The following APBB1IP variants were observed in gnomAD, a reference collection of about 807,000 sequenced individuals.
The protein encoded by APBB1IP is amyloid beta A4 precursor protein-binding family B member 1-interacting protein.
In APBB1IP, 27 loss-of-function variants were observed where a neutral mutation model predicts 64.9. That is an observed-to-expected ratio of 0.42 (90% CI 0.31 to 0.57). APBB1IP has a LOEUF of 0.57. Ranked by LOEUF, APBB1IP falls within the 20% of genes least tolerant of loss-of-function variation. APBB1IP has a pLI of 0.20. For missense variants in APBB1IP, 812 were observed against 845.5 expected (o/e 0.96, Z 0.49); for synonymous variants, 392 against 331.0 (o/e 1.18, Z -2.00).
chr10:26,496,154 A>G, intron 3 of APBB1IP, 150 bp from the exon 4 acceptor site: 1 of 489,894 alleles, frequency 2.0e-6, no homozygotes, highest in Non-Finnish European at 3.5e-6. Context: ...AAAATTACAT[A>G]AAACATTTTC....
intron 2 of APBB1IP, among the ~76,000 whole-genome samples, chr10:26,488,964 A>T (rs1835924661): frequency 6.6e-6 from 1 of 152,184 alleles, no homozygotes; most frequent in South Asian, 2.1e-4. Flanking sequence ...TGCGTCTGCC[A>T]CTAAGAAATG....
At chr10:26,505,621 A>C (rs2132441070) in intron 6 of APBB1IP, among the ~76,000 whole-genome samples, 1 of 152,176 alleles carries the variant, frequency 6.6e-6, no homozygotes, top group East Asian at 1.9e-4. Flanking sequence ...CTGGGATTAC[A>C]AGCATGAGCC....
intron 8 of APBB1IP, among the ~76,000 whole-genome samples, chr10:26,517,700 A>T (rs1775230): frequency 6.6e-6 from 1 of 152,194 alleles, no homozygotes; most frequent in Non-Finnish European, 1.5e-5. Context: ...CATTCATGCT[A>T]TTGCCCATAG....
intron 10 of APBB1IP, among the ~76,000 whole-genome samples, chr10:26,540,334 G>C (rs1836681668): frequency 6.6e-6 from 1 of 152,114 alleles, no homozygotes; most frequent in Non-Finnish European, 1.5e-5. Context: ...CAACAGTTTG[G>C]AAGGCCAAGG....
intron 11 of APBB1IP, among the ~76,000 whole-genome samples, chr10:26,553,714 G>A (rs1836860799): frequency 3.3e-5 from 5 of 152,066 alleles, no homozygotes; most frequent in East Asian, 3.9e-4. Context: ...GGGGTACATC[G>A]GTAAACAAAA....
At chr10:26,559,140 A>G (rs1836934153) in intron 11 of APBB1IP, among the ~76,000 whole-genome samples, 3 of 152,242 alleles carry the variant, frequency 2.0e-5, no homozygotes. Context: ...GAATTATCTC[A>G]GGTAAGTTCC....
chr10:26,555,729 G>A (rs1213274160), intron 11 of APBB1IP, among the ~76,000 whole-genome samples: 1 of 152,152 alleles, frequency 6.6e-6, no homozygotes, highest in Admixed American at 6.5e-5. Context: ...ATCTCTAGTA[G>A]CTGGAACTAC....
chr10:26,445,111 AAAAG>A (rs1292911531), intron 2 of APBB1IP, among the ~76,000 whole-genome samples: 4 of 108,884 alleles, frequency 3.7e-5, no homozygotes, highest in African/African-American at 1.2e-4. Flanking sequence ...AAAAAAGAGG[AAAAG>A]AAAGAAAGAA....
intron 6 of APBB1IP, among the ~76,000 whole-genome samples, chr10:26,510,436 A>G (rs1351236124): frequency 6.6e-6 from 1 of 152,202 alleles, no homozygotes; most frequent in Non-Finnish European, 1.5e-5. Flanking sequence ...AAAATGGAAT[A>G]AAAAGTAAAT....
At chr10:26,505,691 T>C (rs1289408606) in intron 6 of APBB1IP, among the ~76,000 whole-genome samples, 1 of 151,958 alleles carries the variant, frequency 6.6e-6, no homozygotes, top group Admixed American at 6.6e-5. Flanking sequence ...ATAGACACAG[T>C]CAAAACAAAA....
chr10:26,497,203 A>G (rs1737440642), intron 4 of APBB1IP, among the ~76,000 whole-genome samples: 1 of 151,672 alleles, frequency 6.6e-6, no homozygotes, highest in Admixed American at 6.6e-5. Context: ...AAACAAAACA[A>G]AAACTCTGTT....
intron 8 of APBB1IP, among the ~76,000 whole-genome samples, chr10:26,514,646 A>G (rs1836301300): frequency 6.7e-6 from 1 of 149,440 alleles, no homozygotes; most frequent in Non-Finnish European, 1.5e-5. Flanking sequence ...GTTCCTCTCC[A>G]TTTTCCAGAC....
At chr10:26,513,006 C>T (rs1426974749) in intron 7 of APBB1IP, among the ~76,000 whole-genome samples, 1 of 152,228 alleles carries the variant, frequency 6.6e-6, no homozygotes, top group East Asian at 1.9e-4. Flanking sequence ...TTTTAGAGTA[C>T]ACACTGGCTC....
rs754939957 is a variant in APBB1IP, at chr10:26,445,129, AAAGAAAGAAAGAAAGAAAGAAAG to A, written c.-1+6279_-1+6301del. The stretch of plus-strand genomic sequence containing the variant: ...AAAGAGGAAAAGAAAGAAAGAAAGA[AAAGAAAGAAAGAAAGAAAGAAAG>A]AAAGAAAGAAAGAAAGAAAGAAAGA... On this transcript the variant is annotated intron_variant, in intron 2 of 14. Transcript: ENST00000376236. Among the ~76,000 whole-genome samples, 394 of 68,918 alleles carry A rather than the reference AAAGAAAGAAAGAAAGAAAGAAAG, an allele frequency of 5.7e-3. 3 individuals are homozygous for A. The highest frequency in any genetic ancestry group is 7.0e-3 in the African/African-American group (149 of 21,246). The allele number at this position is 68,918 out of a possible 152,430, so 45.2% of individuals were successfully genotyped here.
chr10:26,442,429 G>T (rs1835347803), intron 2 of APBB1IP, among the ~76,000 whole-genome samples: 1 of 152,114 alleles, frequency 6.6e-6, no homozygotes, highest in Non-Finnish European at 1.5e-5. Flanking sequence ...TTCTAATTCT[G>T]TTGGGGATCT....
At chr10:26,552,899 TG>T (rs1052711110) in intron 11 of APBB1IP, among the ~76,000 whole-genome samples, 1 of 152,170 alleles carries the variant, frequency 6.6e-6, no homozygotes, top group Non-Finnish European at 1.5e-5. Flanking sequence ...TTCCTTGGTT[TG>T]GGGGCTCTAA....
In APBB1IP at chr10:26,567,002, G is replaced by A. The variant is rs745617109; in HGVS notation, c.1515G>A (p.Val505=). 1.9e-6 allele frequency: 3 copies of A among 1,577,078 alleles called. No homozygotes were observed. The highest frequency in any genetic ancestry group is 2.2e-5 in the South Asian group (2 of 90,176). Residue 505 remains valine, a synonymous_variant, in exon 15 of 15, where the codon GTG becomes GTA. Coordinates refer to ENST00000376236, the MANE Select transcript of APBB1IP (RefSeq NM_019043.4). ...PALGNHHDPA[V]PRAPHAPKSS... ...TCGGGAACCACCACGACCCGGCAGT[G>A]CCCCGGGCCCCGCACGCCCCCAAGT...
At chr10:26,460,588 G>A (rs1835577838) in intron 2 of APBB1IP, among the ~76,000 whole-genome samples, 1 of 152,056 alleles carries the variant, frequency 6.6e-6, no homozygotes, top group South Asian at 2.1e-4. Context: ...AAGAAAATAT[G>A]GTAAATATAC....
chr10:26,523,930 C>T (rs532720975), intron 8 of APBB1IP, among the ~76,000 whole-genome samples: 3 of 152,306 alleles, frequency 2.0e-5, no homozygotes, highest in East Asian at 3.9e-4. Flanking sequence ...GCCATTGTGC[C>T]TATTATGAAA....
Sources: gnomAD v4.1 joint callset for allele counts (sites outside exome capture counted in the v4.1 genomes callset) on GRCh38, gnomAD v4.1.1 for gene constraint, MANE v1.5 for transcripts, NCBI Gene and HGNC (gene_info 2026-07-23, HGNC 2026-07-21) for gene names.